WWOX: variants seen among roughly 807,000 people sequenced by gnomAD.
The protein encoded by WWOX is WW domain containing oxidoreductase, also known as WW domain-containing oxidoreductase.
In WWOX, 69 loss-of-function variants were observed where a neutral mutation model predicts 46.2. The ratio of observed to expected loss-of-function variants is 1.49; its 90% CI spans 1.23 to 1.82. The LOEUF (loss-of-function observed/expected upper bound fraction) is 1.82, where lower values mean the gene tolerates loss of function less well. WWOX is among the 40% of genes most tolerant of loss of function. The pLI, the probability that WWOX is intolerant of heterozygous loss-of-function variation, is 0.00. For synonymous variants in WWOX, 359 were observed against 202.6 expected, an observed-to-expected ratio of 1.77 and a Z score of -6.56; for missense variants, 919 against 542.6, an observed-to-expected ratio of 1.69 and a Z score of -6.89.
At chr16:78,493,090 C>T (rs2084825762) in intron 8 of WWOX, among the ~76,000 whole-genome samples, 1 of 152,132 alleles carries the variant, frequency 6.6e-6, no homozygotes, top group Admixed American at 6.5e-5. Context: ...CAGCACACAA[C>T]TCGGGGAATT....
chr16:79,083,146 A>G (rs1228115700), intron 8 of WWOX, among the ~76,000 whole-genome samples: 2 of 152,158 alleles, frequency 1.3e-5, no homozygotes, highest in African/African-American at 4.8e-5. Context: ...AGTGTGAGTC[A>G]TTATGGCGAG....
At chr16:78,497,229 C>T (rs1044380548) in intron 8 of WWOX, among the ~76,000 whole-genome samples, 7 of 62,700 alleles carry the variant, frequency 1.1e-4, no homozygotes, top group African/African-American at 2.2e-4. Flanking sequence ...ACAGCACATA[C>T]TCATTTTTTT....
intron 8 of WWOX, among the ~76,000 whole-genome samples, chr16:78,742,964 C>T (rs1413635502): frequency 6.6e-6 from 1 of 152,064 alleles, no homozygotes; most frequent in Non-Finnish European, 1.5e-5. Context: ...GTAAGAGGGG[C>T]CTCGTTAATG....
intron 8 of WWOX, among the ~76,000 whole-genome samples, chr16:78,516,054 G>C (rs2043228717): frequency 6.6e-6 from 1 of 151,816 alleles, no homozygotes; most frequent in African/African-American, 2.4e-5. Context: ...CACAGATTAA[G>C]AGAGTAGCAT....
intron 5 of WWOX, among the ~76,000 whole-genome samples, chr16:78,196,885 C>G (rs912383942): frequency 2.0e-5 from 3 of 152,206 alleles, no homozygotes; most frequent in African/African-American, 7.2e-5. Flanking sequence ...TTTATCATCC[C>G]CACTGACTAC....
intron 8 of WWOX, chr16:78,825,665 G>A (rs963873580): frequency 3.8e-6 from 2 of 526,868 alleles, no homozygotes; most frequent in South Asian, 1.6e-5. Flanking sequence ...TGAATAGGGG[G>A]GCCATAGGCT....
chr16:78,768,702 C>T (rs1775529562), intron 8 of WWOX, among the ~76,000 whole-genome samples: 1 of 152,010 alleles, frequency 6.6e-6, no homozygotes, highest in African/African-American at 2.4e-5. Context: ...TAGTTTGTCA[C>T]TCTAATTGCC....
intron 8 of WWOX, among the ~76,000 whole-genome samples, chr16:79,059,454 T>C (rs989678715): frequency 5.3e-5 from 8 of 152,242 alleles, no homozygotes; most frequent in Non-Finnish European, 7.3e-5. Flanking sequence ...CAACAGTGTT[T>C]GAGAATTTGC....
intron 6 of WWOX, among the ~76,000 whole-genome samples, chr16:78,393,352 T>C (rs1326259064): frequency 1.3e-5 from 2 of 152,188 alleles, no homozygotes; most frequent in African/African-American, 4.8e-5. Context: ...TGTAATACTT[T>C]TTCTTCTTCA....
At chr16:78,430,042 T>A (rs962308840) in intron 7 of WWOX, among the ~76,000 whole-genome samples, 3 of 151,922 alleles carry the variant, frequency 2.0e-5, no homozygotes, top group Non-Finnish European at 4.4e-5. Context: ...CGAGACCGGG[T>A]AATTTATAAA....
chr16:78,122,482 C>T (rs762042242), intron 4 of WWOX, among the ~76,000 whole-genome samples: 3 of 152,040 alleles, frequency 2.0e-5, no homozygotes, highest in Non-Finnish European at 2.9e-5. Flanking sequence ...TGTAGCATTA[C>T]GTAAAGCTTG....
chr16:78,993,273 G>A (rs558446777), intron 8 of WWOX, among the ~76,000 whole-genome samples: 66 of 151,652 alleles, frequency 4.4e-4, no homozygotes, highest in African/African-American at 1.5e-3. Flanking sequence ...GGGGTGGGGG[G>A]AGGTTGGGGA....
intron 8 of WWOX, among the ~76,000 whole-genome samples, chr16:79,019,861 T>C (rs2047496027): frequency 6.6e-6 from 1 of 152,180 alleles, no homozygotes; most frequent in African/African-American, 2.4e-5. Context: ...TTCAGGCTAG[T>C]TAAGCAACCC....
At chr16:79,204,541 A>C (rs2051445518) in intron 8 of WWOX, 1 of 152,164 alleles carries the variant, frequency 6.6e-6, no homozygotes, top group African/African-American at 2.4e-5. Context: ...TCTATCACAG[A>C]TCCTTTGGAA....
chr16:78,435,478 C>T (rs536462549), intron 8 of WWOX, among the ~76,000 whole-genome samples: 55 of 152,270 alleles, frequency 3.6e-4, no homozygotes, highest in African/African-American at 1.3e-3. Context: ...AGATTAACTG[C>T]GCACTGAGCT....
chr16:78,164,008 CA>C (rs2034884165), intron 4 of WWOX, among the ~76,000 whole-genome samples, 174 bp from the exon 5 acceptor site: 1 of 152,098 alleles, frequency 6.6e-6, no homozygotes, highest in African/African-American at 2.4e-5. Flanking sequence ...GACTCTACCC[CA>C]CAACTGTGGC....
intron 5 of WWOX, among the ~76,000 whole-genome samples, chr16:78,280,101 A>T (rs2079649494): frequency 1.3e-5 from 2 of 152,234 alleles, no homozygotes; most frequent in African/African-American, 4.8e-5. Flanking sequence ...TAATCATGGC[A>T]GGCTCTACCC....
In WWOX at chr16:78,887,468, AACACACACACACACACACACAC is replaced by A. The variant is rs78503110; in HGVS notation, c.1057-324110_1057-324089del. On this transcript the variant is annotated intron_variant, in intron 8 of 8. Coordinates refer to ENST00000566780, the MANE Select transcript of WWOX (RefSeq NM_016373.4). Reference sequence around the variant, plus strand: ...GCAATGAAGGCAACAAAGTATATAAAACACACACACACACACACACACACACACACACACACACACACACACA... The same window carrying A: ...GCAATGAAGGCAACAAAGTATATAAAACACACACACACACACACACACACA... Among the ~76,000 whole-genome samples, 1,306 of 136,068 alleles carry A rather than the reference AACACACACACACACACACACAC, an allele frequency of 9.6e-3. 14 individuals carry two copies. The highest frequency in any genetic ancestry group is 0.015 in the Non-Finnish European group (951 of 64,856). The allele number at this position is 136,068 out of a possible 152,430, so 89.3% of individuals were successfully genotyped here. A position where few individuals can be genotyped will look rare whatever the true frequency, so the allele number is the denominator to read the frequency against.
chr16:78,143,393 A>G (rs1253041841), intron 4 of WWOX, among the ~76,000 whole-genome samples: 1 of 152,176 alleles, frequency 6.6e-6, no homozygotes, highest in East Asian at 1.9e-4. Context: ...CGAATGTTAA[A>G]AGGATATTGT....
Sources: allele counts gnomAD v4.1 joint callset (sites outside exome capture counted in the v4.1 genomes callset), GRCh38; gene constraint gnomAD v4.1.1; transcripts MANE v1.5; gene names NCBI Gene and HGNC (gene_info 2026-07-23, HGNC 2026-07-21).